Variants in WDR35 observed in about 807,000 individuals in gnomAD.
WDR35 encodes WD repeat domain 35, also known as WD repeat-containing protein 35.
A neutral mutation model predicts 158.3 loss-of-function variants in WDR35; 118 were observed. The observed-to-expected ratio is 0.75, with a 90% CI of 0.64 to 0.87. The LOEUF is 0.87. WDR35 is among the 40% of genes least tolerant of loss of function. The pLI, the probability that WDR35 is intolerant of heterozygous loss-of-function variation, is 0.00. For synonymous variants in WDR35, 448 were observed against 476.1 expected (o/e 0.94, Z 0.77); for missense variants, 1,263 against 1,405.8 (o/e 0.90, Z 1.62).
intron 11 of WDR35, 100 bp downstream of exon 11, chr2:19,960,454 G>C (rs925402885): frequency 8.4e-5 from 83 of 983,610 alleles, no homozygotes; most frequent in Non-Finnish European, 1.1e-4. Flanking sequence ...CCTCGTTTTA[G>C]AAAACACCAT....
At position 19,914,283 on chromosome 2, in the gene WDR35, A is replaced by G; in HGVS notation, c.3122-6T>C. On this transcript the variant is annotated splice_polypyrimidine_tract_variant and splice_region_variant and intron_variant, in intron 25 of 26. Coordinates refer to ENST00000281405, the MANE Select transcript of WDR35 (RefSeq NM_020779.4). ...ATAGTCTTTCAGGTGAAGAGCTAAG[A>G]AAAACAGGGCAATTGGGGTTTTTTA... 6.2e-7 allele frequency: 1 copy of G among 1,614,114 alleles called. No homozygotes were observed.
chr2:19,942,640 C>A (rs1670917533), intron 16 of WDR35, among the ~76,000 whole-genome samples: 1 of 149,224 alleles, frequency 6.7e-6, no homozygotes, highest in Non-Finnish European at 1.5e-5. Flanking sequence ...AAAAATACTA[C>A]CAAAGAGAAA....
chr2:19,939,020 A>C (rs754669179), intron 17 of WDR35, among the ~76,000 whole-genome samples: 1 of 152,198 alleles, frequency 6.6e-6, no homozygotes. Context: ...TATCTAAAAA[A>C]CTTCACAAAA....
intron 4 of WDR35, among the ~76,000 whole-genome samples, chr2:19,980,239 A>G (rs1672340619): frequency 6.6e-6 from 1 of 152,200 alleles, no homozygotes. Flanking sequence ...TGTGCTATGT[A>G]TTATAAAAGG....
chr2:19,975,526 T>C lies in WDR35; in HGVS notation c.570+4A>G, dbSNP rs1275546924. On this transcript the variant is annotated splice_donor_region_variant and intron_variant, in intron 6 of 26. Coordinates refer to ENST00000281405, the MANE Select transcript of WDR35 (RefSeq NM_020779.4). Reference sequence around the variant, plus strand: ...AAACAAGACTGATGCATACACTTACTTACCATAAAATTTCCTTGATTATCG... The same window carrying C: ...AAACAAGACTGATGCATACACTTACCTACCATAAAATTTCCTTGATTATCG... 6.2e-7 allele frequency: 1 copy of C among 1,611,882 alleles called. No homozygotes were observed. Among genetic ancestry groups the C allele is most frequent in the Non-Finnish European group, 8.5e-7 (1 of 1,178,620 alleles).
chr2:19,938,545 C>A, intron 17 of WDR35, 144 bp from the exon 18 acceptor site: 1 of 1,129,402 alleles, frequency 8.9e-7, no homozygotes, highest in South Asian at 1.6e-5. Context: ...GAAATCTTCA[C>A]GTTTGGGTCT....
Position 19,978,798 on chromosome 2 carries a change from ATCT to A in WDR35, c.386_388del (p.Lys129del), listed in dbSNP as rs1374093827. Reference sequence around the variant, plus strand: ...AGCCCCATCTTCATATACAATGCAGATCTTCTGTCCGTCAGCATTCCAGCTCAT... The same window carrying A: ...AGCCCCATCTTCATATACAATGCAGATCTGTCCGTCAGCATTCCAGCTCAT... On this transcript the variant is annotated inframe_deletion, in exon 5 of 27. Coordinates refer to ENST00000281405, the MANE Select transcript of WDR35 (RefSeq NM_020779.4). The A allele has an allele frequency of 1.2e-6, 2 of 1,613,812 alleles. No homozygotes were observed. The highest frequency in any genetic ancestry group is 8.5e-7 in the Non-Finnish European group (1 of 1,179,896).
Position 19,978,871 on chromosome 2 carries a change from T to C in WDR35, c.316A>G (p.Ile106Val). The C allele has an allele frequency of 2.5e-6, 4 of 1,613,682 alleles. No homozygotes were observed. The highest frequency in any genetic ancestry group is 3.4e-6 in the Non-Finnish European group (4 of 1,179,802). ...TTTCGATTGTTGATCATCTCCTCAA[T>C]CCAAGAGCCTGTTTTCACAAATTTA... is the stretch of plus-strand genomic sequence containing the variant. The part of the protein sequence containing the change: ...IVWMLYKGSW[I>V]EEMINNRNKS... Residue 106 changes from isoleucine to valine, a missense_variant, in exon 5 of 27, where the codon ATT becomes GTT. Physicochemically the swap from Ile to Val is conservative, Grantham distance 29. Coordinates refer to ENST00000281405, the MANE Select transcript of WDR35 (RefSeq NM_020779.4).
chr2:19,935,027 T>G (rs1670648106), intron 21 of WDR35: 1 of 153,502 alleles, frequency 6.5e-6, no homozygotes, highest in Admixed American at 6.5e-5. Context: ...AAGAGAACTC[T>G]TTCCATTTCT....
intron 5 of WDR35, 29 bp from the exon 6 acceptor site, chr2:19,975,692 C>A (rs774662969): frequency 6.2e-7 from 1 of 1,613,688 alleles, no homozygotes; most frequent in Non-Finnish European, 8.5e-7. Flanking sequence ...AAAAGTTGTT[C>A]AAGGTCATGA....
At position 19,913,528 on chromosome 2, in the gene WDR35, T is replaced by G; in HGVS notation, c.*30A>C. ...TAGCCATGTATATATGCTACATATA[T>G]TTTACAGTTATATACAGTTTATCAT... On this transcript the variant is annotated 3_prime_UTR_variant, in exon 27 of 27. Transcript: ENST00000281405. 6.2e-7 allele frequency: 1 copy of G among 1,613,640 alleles called. No homozygotes were observed. Among genetic ancestry groups the G allele is most frequent in the Non-Finnish European group, 8.5e-7 (1 of 1,179,582 alleles).
chr2:19,975,596 A>C lies in WDR35; in HGVS notation c.504T>G (p.Ser168Arg), dbSNP rs397515536. The C allele has an allele frequency of 6.2e-7, 1 of 1,614,012 alleles. No individual in the cohort carries two copies. The highest frequency in any genetic ancestry group is 1.7e-5 in the Admixed American group (1 of 60,008). Residue 168 changes from serine (S) to arginine (R), a missense_variant, in exon 6 of 27, where the codon AGT becomes AGG. By Grantham distance (110) the Ser-to-Arg change is moderately radical. Transcript: ENST00000281405. Reference sequence around the variant, plus strand: ...TTGCCATTCCAAAAAGTAAGACTTTACTGTCCGCAGACCATGTTACATGGG... The same window carrying C: ...TTGCCATTCCAAAAAGTAAGACTTTCCTGTCCGCAGACCATGTTACATGGG... ...QLSHVTWSAD[S>R]KVLLFGMANG...
chr2:19,954,496 A>G (rs1009248495), intron 11 of WDR35, among the ~76,000 whole-genome samples: 104 of 152,360 alleles, frequency 6.8e-4, no homozygotes, highest in African/African-American at 2.4e-3. Flanking sequence ...AGCCCAATTT[A>G]AAAGTGAGCA....
chr2:19,922,242 T>G (rs1194966669), intron 25 of WDR35, among the ~76,000 whole-genome samples: 4 of 152,190 alleles, frequency 2.6e-5, no homozygotes, highest in African/African-American at 9.7e-5. Context: ...GGATTATAAA[T>G]CATTCTACTA....
intron 22 of WDR35, among the ~76,000 whole-genome samples, chr2:19,932,831 A>AT (rs889273008): frequency 6.4e-4 from 97 of 152,302 alleles, no homozygotes; most frequent in African/African-American, 2.2e-3. Context: ...TTTAAAAATT[A>AT]TTTTTATAAA....
intron 2 of WDR35, among the ~76,000 whole-genome samples, chr2:19,982,843 A>C (rs1672428117): frequency 6.6e-6 from 1 of 151,998 alleles, no homozygotes; most frequent in Admixed American, 6.6e-5. Context: ...CAGATTGAAA[A>C]CTCTACAGCT....
Position 19,943,582 on chromosome 2 carries a change from A to G in WDR35, c.1846-1743T>C, listed in dbSNP as rs145955601. On this transcript the variant is annotated intron_variant, in intron 16 of 26. Transcript: ENST00000281405. ...AATAAATATGTATATATAAGAGCAT[A>G]TATTCAAAAGTTTGGGAGCCCCTTG... Among the ~76,000 whole-genome samples, 9 of 152,268 alleles carry G rather than the reference A, an allele frequency of 5.9e-5. No individual in the cohort carries two copies. In the East Asian group the frequency reaches 1.7e-3, roughly 29 times the overall value.
intron 21 of WDR35, 184 bp downstream of exon 21, chr2:19,935,287 C>G (rs1572327467): frequency 1.8e-6 from 1 of 542,590 alleles, no homozygotes; most frequent in East Asian, 3.8e-5. Flanking sequence ...TTTTCCTCCT[C>G]CATTTTCAAG....
intron 17 of WDR35, among the ~76,000 whole-genome samples, chr2:19,940,189 C>CAA (rs1197342596): frequency 2.5e-4 from 20 of 80,202 alleles, no homozygotes; most frequent in South Asian, 8.3e-4. Context: ...CCCATCTCTA[C>CAA]AAAAAAAAAA....
Sources: allele counts gnomAD v4.1 joint callset (sites outside exome capture counted in the v4.1 genomes callset), GRCh38; gene constraint gnomAD v4.1.1; transcripts MANE v1.5; gene names NCBI Gene and HGNC (gene_info 2026-07-23, HGNC 2026-07-21).